TCF23: variants seen among roughly 807,000 people sequenced by gnomAD.
TCF23 encodes the protein class A basic helix-loop-helix protein 24.
Under a neutral mutation model 13.0 loss-of-function variants are expected in TCF23, and 7 were observed. That is an observed-to-expected ratio of 0.54 (90% CI 0.31 to 1.01). The LOEUF (loss-of-function observed/expected upper bound fraction) is 1.01, where lower values mean the gene tolerates loss of function less well. Ranked by LOEUF, TCF23 falls within the 50% of genes least tolerant of loss-of-function variation. The pLI, the probability that TCF23 is intolerant of heterozygous loss-of-function variation, is 0.06. For synonymous variants in TCF23, 122 were observed against 119.5 expected (o/e 1.02, Z -0.14); for missense variants, 257 against 289.8 (o/e 0.89, Z 0.82).
In TCF23 at chr2:27,152,794, G is replaced by T. The variant is rs770793196; in HGVS notation, c.572G>T (p.Gly191Val). 6.2e-7 allele frequency: 1 copy of T among 1,614,142 alleles called. No individual in the cohort carries two copies. Among genetic ancestry groups the T allele is most frequent in the Admixed American group, 1.7e-5 (1 of 60,018 alleles). ...CAAAGAACAAGAGATGCAGAGGTGG[G>T]GTCCCAAGTCCCTGGAGAGGCAGAT... Reference protein sequence around the residue: ...PSQRTRDAEVGSQVPGEADAL... With the variant: ...PSQRTRDAEVVSQVPGEADAL... The change falls in exon 3 of 3, where the codon GGG becomes GTG. Residue 191 changes from glycine (G) to valine (V), a missense_variant. Gly to Val is a moderately radical substitution (Grantham distance 109). Coordinates refer to ENST00000296096, the MANE Select transcript of TCF23 (RefSeq NM_175769.3).
At position 27,149,277 on chromosome 2, in the gene TCF23, A is replaced by T; in HGVS notation, c.144A>T (p.Arg48Ser). 1 of 1,596,116 alleles carries T rather than the reference A, an allele frequency of 6.3e-7. No individual in the cohort carries two copies. Among genetic ancestry groups the T allele is most frequent in the Non-Finnish European group, 8.5e-7 (1 of 1,171,548 alleles). ...SRTRQDPWEE[R>S]SWSNQRWSRA... ...CAAGGCAGGACCCGTGGGAAGAAAG[A>T]AGCTGGAGCAACCAGAGATGGAGCA... is the stretch of plus-strand genomic sequence containing the variant. Residue 48 changes from arginine (R) to serine (S), a missense_variant, in exon 1 of 3, where the codon AGA (arginine) becomes AGT (serine). By Grantham distance (110) the Arg-to-Ser change is moderately radical. Coordinates refer to ENST00000296096, the MANE Select transcript of TCF23 (RefSeq NM_175769.3).
chr2:27,150,325 C>A lies in TCF23; in HGVS notation c.425C>A (p.Pro142Gln), dbSNP rs533332704. Residue 142 changes from proline (P) to glutamine (Q), a missense_variant, in exon 2 of 3, where the codon CCG (proline) becomes CAG (glutamine). Coordinates refer to ENST00000296096, the MANE Select transcript of TCF23 (RefSeq NM_175769.3). This position sits in a 1 kb window ranked among gnomAD's most constrained non-coding sequence, Gnocchi z 4.1. The part of the protein sequence containing the change: ...LGHELPGPAW[P>Q]PFLRGLRYLH... ...CACGAGTTGCCTGGCCCTGCCTGGC[C>A]GCCCTTCCTGCGTGGACTCCGCTAC... is the stretch of plus-strand genomic sequence containing the variant. The A allele has an allele frequency of 2.5e-6, 4 of 1,613,684 alleles. No homozygotes were observed. In the East Asian group the frequency reaches 8.9e-5, roughly 36 times the overall value.
In TCF23 at chr2:27,153,102, A is replaced by C; in HGVS notation, c.*235A>C. ...GACTTCCCCATGGCTCTTCTGTGAC[A>C]GCTACTGGGAAGTGGGAGAGAAAGA... On this transcript the variant is annotated 3_prime_UTR_variant, in exon 3 of 3. Transcript: ENST00000296096. 1 of 960,694 alleles carries C rather than the reference A, an allele frequency of 1.0e-6. No homozygotes were observed. Among genetic ancestry groups the C allele is most frequent in the South Asian group, 3.2e-5 (1 of 31,522 alleles). The allele number at this position is 960,694 out of a possible 1,614,324, so 59.5% of individuals were successfully genotyped here.
Position 27,150,448 on chromosome 2 carries a change from T to C in TCF23, c.465+83T>C. The C allele has an allele frequency of 6.4e-7, 1 of 1,564,042 alleles. No individual in the cohort carries two copies. Among genetic ancestry groups the C allele is most frequent in the Non-Finnish European group, 8.7e-7 (1 of 1,149,078 alleles). Reference sequence around the variant, plus strand: ...AAGGGATTGGAATGAGGGGGGACATTGGACTTGGGCCCCCTGCCCTGTGCA... The same window carrying C: ...AAGGGATTGGAATGAGGGGGGACATCGGACTTGGGCCCCCTGCCCTGTGCA... On this transcript the variant is annotated intron_variant, in intron 2 of 2. Transcript: ENST00000296096. The surrounding 1 kb of genome is among the most constrained non-coding windows in gnomAD (Gnocchi z 4.1).
In TCF23 at chr2:27,150,337, G is replaced by A. The variant is rs146000022; in HGVS notation, c.437G>A (p.Arg146His). The A allele has an allele frequency of 4.0e-4, 643 of 1,613,522 alleles. No homozygotes were observed. In the African/African-American group the frequency reaches 7.0e-3, roughly 18 times the overall value. ...GGCCCTGCCTGGCCGCCCTTCCTGC[G>A]TGGACTCCGCTACTTGCACCCTCTC... ...LPGPAWPPFL[R>H]GLRYLHPLKK... The change falls in exon 2 of 3, where the codon CGT (arginine) becomes CAT (histidine). Residue 146 changes from arginine to histidine, a missense_variant. Arg to His is a conservative substitution (Grantham distance 29). Transcript: ENST00000296096. This position sits in a 1 kb window ranked among gnomAD's most constrained non-coding sequence, Gnocchi z 4.1.
chr2:27,150,338 T>C lies in TCF23; in HGVS notation c.438T>C (p.Arg146=), dbSNP rs752807433. The part of the protein sequence containing the change: ...LPGPAWPPFL[R]GLRYLHPLKK... ...GCCCTGCCTGGCCGCCCTTCCTGCG[T>C]GGACTCCGCTACTTGCACCCTCTCA... Residue 146 remains arginine, a synonymous_variant, in exon 2 of 3, where the codon CGT becomes CGC. Transcript: ENST00000296096. The surrounding 1 kb of genome is among the most constrained non-coding windows in gnomAD (Gnocchi z 4.1). 1.2e-6 allele frequency: 2 copies of C among 1,613,524 alleles called. No homozygotes were observed. Among genetic ancestry groups the C allele is most frequent in the Non-Finnish European group, 1.7e-6 (2 of 1,179,954 alleles).
rs1316607081 is a variant in TCF23 at position 27,150,489 on chromosome 2, C to A, written c.465+124C>A. ...GCCCTGTGCAGAACTGACGTCGGAG[C>A]CAATTTCTCCTGCTGTCTCAGAGGG... On this transcript the variant is annotated intron_variant, in intron 2 of 2. Transcript: ENST00000296096. The surrounding 1 kb of genome is among the most constrained non-coding windows in gnomAD (Gnocchi z 4.1). The A allele has an allele frequency of 2.0e-6, 3 of 1,476,326 alleles. No homozygotes were observed. Among genetic ancestry groups the A allele is most frequent in the South Asian group, 1.3e-5 (1 of 75,560 alleles). 91.5% of individuals were successfully genotyped at this position (1,476,326 alleles called of 1,614,324 possible).
chr2:27,156,375 A>G lies in TCF23; in HGVS notation c.*3508A>G, dbSNP rs2148431725. 1 of 149,312 alleles carries G rather than the reference A, an allele frequency of 6.7e-6. No individual in the cohort carries two copies. Among genetic ancestry groups the G allele is most frequent in the Non-Finnish European group, 1.5e-5 (1 of 67,438 alleles). 9.2% of individuals were successfully genotyped at this position (149,312 alleles called of 1,614,324 possible). A position where few individuals can be genotyped will look rare whatever the true frequency, so the allele number is the denominator to read the frequency against. On this transcript the variant is annotated 3_prime_UTR_variant, in exon 3 of 3. Coordinates refer to ENST00000296096, the MANE Select transcript of TCF23 (RefSeq NM_175769.3). ...TGGGAGAAGCAGAGCTGGCCCAGTG[A>G]TTTCTTTTTTTTTGTTTTTTGAGAC...
chr2:27,149,127 G>A lies in TCF23; in HGVS notation c.-7G>A. ...TGCTCTGTGGGCTGCAGCCCCAGTG[G>A]GGTGGCATGTCACAGAGGAAGGCCA... On this transcript the variant is annotated 5_prime_UTR_variant, in exon 1 of 3. Transcript: ENST00000296096. 1 of 1,549,364 alleles carries A rather than the reference G, an allele frequency of 6.5e-7. No individual in the cohort carries two copies. Among genetic ancestry groups the A allele is most frequent in the Non-Finnish European group, 8.7e-7 (1 of 1,146,784 alleles).
In TCF23 at chr2:27,153,472, A is replaced by G. The variant is rs1672791758; in HGVS notation, c.*605A>G. On this transcript the variant is annotated 3_prime_UTR_variant, in exon 3 of 3. Coordinates refer to ENST00000296096, the MANE Select transcript of TCF23 (RefSeq NM_175769.3). Reference sequence around the variant, plus strand: ...TTTCCAGAAGCTGCCCCTCACCACTACATTTTCTCTCCCTCTCGGCTCCTG... The same window carrying G: ...TTTCCAGAAGCTGCCCCTCACCACTGCATTTTCTCTCCCTCTCGGCTCCTG... 6.7e-6 allele frequency: 1 copy of G among 149,968 alleles called. No homozygotes were observed. Among genetic ancestry groups the G allele is most frequent in the African/African-American group, 2.5e-5 (1 of 40,772 alleles). The allele number at this position is 149,968 out of a possible 1,614,324, so 9.3% of individuals were successfully genotyped here. A position where few individuals can be genotyped will look rare whatever the true frequency, so the allele number is the denominator to read the frequency against.
Position 27,156,059 on chromosome 2 carries a change from G to C in TCF23, c.*3192G>C. The C allele has an allele frequency of 6.6e-6, 1 of 152,014 alleles. No individual in the cohort carries two copies. The highest frequency in any genetic ancestry group is 1.5e-5 in the Non-Finnish European group (1 of 68,046). 9.4% of individuals were successfully genotyped at this position (152,014 alleles called of 1,614,324 possible). The stretch of plus-strand genomic sequence containing the variant: ...GGCTGTGGGGCTGGGTGTGGTGGCT[G>C]ATGCCTGTAATCCCAGCACTTTGGG... On this transcript the variant is annotated 3_prime_UTR_variant, in exon 3 of 3. Transcript: ENST00000296096.
At chr2:27,152,337 C>T (rs577923918) in intron 2 of TCF23, among the ~76,000 whole-genome samples, 1 of 152,366 alleles carries the variant, frequency 6.6e-6, no homozygotes, top group South Asian at 2.1e-4. Flanking sequence ...TTGGAGGACC[C>T]AGCTTGGAGT....
intron 2 of TCF23, among the ~76,000 whole-genome samples, chr2:27,152,038 G>C (rs1480897397): frequency 6.6e-6 from 1 of 152,228 alleles, no homozygotes; most frequent in Admixed American, 6.5e-5. Flanking sequence ...TGAAATGTCA[G>C]TGGTGGTGCA....
rs1333770303 is a variant in TCF23 at position 27,155,341 on chromosome 2, G to A, written c.*2474G>A. ...GGATGGATGGGAATAACCAGAGGAT[G>A]GACTGGGCCCTCCCTCCCTGACAAG... On this transcript the variant is annotated 3_prime_UTR_variant, in exon 3 of 3. Coordinates refer to ENST00000296096, the MANE Select transcript of TCF23 (RefSeq NM_175769.3). 1 of 152,336 alleles carries A rather than the reference G, an allele frequency of 6.6e-6. No individual in the cohort carries two copies. The highest frequency in any genetic ancestry group is 1.9e-4 in the East Asian group (1 of 5,192). 9.4% of individuals were successfully genotyped at this position (152,336 alleles called of 1,614,324 possible).
rs1004667541 is a variant in TCF23, at chr2:27,153,865, A to G, written c.*998A>G. 1 of 152,246 alleles carries G rather than the reference A, an allele frequency of 6.6e-6. No homozygotes were observed. Among genetic ancestry groups the G allele is most frequent in the African/African-American group, 2.4e-5 (1 of 41,464 alleles). The allele number at this position is 152,246 out of a possible 1,614,324, so 9.4% of individuals were successfully genotyped here. A position where few individuals can be genotyped will look rare whatever the true frequency, so the allele number is the denominator to read the frequency against. Reference sequence around the variant, plus strand: ...AAATATGAAGGATATTGACAGAATCAATTACATCCTTGAAGGACCTTAAGA... The same window carrying G: ...AAATATGAAGGATATTGACAGAATCGATTACATCCTTGAAGGACCTTAAGA... On this transcript the variant is annotated 3_prime_UTR_variant, in exon 3 of 3. Transcript: ENST00000296096.
rs565900131 is a variant in TCF23 at position 27,152,061 on chromosome 2, G to T, written c.466-627G>T. Among the ~76,000 whole-genome samples the T allele has an allele frequency of 2.0e-5, 3 of 152,334 alleles. No homozygotes were observed. In the South Asian group the frequency reaches 6.2e-4, roughly 32 times the overall value. The stretch of plus-strand genomic sequence containing the variant: ...CAGTGGTGGTGCAGGGTCCTGGGAT[G>T]ATATAGTAGTTTCCTTCGCTGTAAA... On this transcript the variant is annotated intron_variant, in intron 2 of 2. Coordinates refer to ENST00000296096, the MANE Select transcript of TCF23 (RefSeq NM_175769.3).
rs1451103062 is a variant in TCF23 at position 27,152,732 on chromosome 2, C to T, written c.510C>T (p.Tyr170=). Residue 170 remains tyrosine, a synonymous_variant, in exon 3 of 3, where the codon TAC becomes TAT. Transcript: ENST00000296096. Reference sequence around the variant, plus strand: ...GTCTCTATGCTGGAGGCCTGGGGTACTCCGATCTTGACTCCACCACAGCCA... The same window carrying T: ...GTCTCTATGCTGGAGGCCTGGGGTATTCCGATCTTGACTCCACCACAGCCA... ...RSRLYAGGLG[Y]SDLDSTTAST... The T allele has an allele frequency of 8.1e-6, 13 of 1,614,008 alleles. No homozygotes were observed. The highest frequency in any genetic ancestry group is 1.1e-5 in the Non-Finnish European group (13 of 1,180,026).
rs935749336 is a variant in TCF23, at chr2:27,155,387, A to C, written c.*2520A>C. 6.6e-6 allele frequency: 1 copy of C among 152,306 alleles called. No homozygotes were observed. Among genetic ancestry groups the C allele is most frequent in the Non-Finnish European group, 1.5e-5 (1 of 68,122 alleles). 9.4% of individuals were successfully genotyped at this position (152,306 alleles called of 1,614,324 possible). The stretch of plus-strand genomic sequence containing the variant: ...ACAAGCACAGTAATGCCCTTGAGAC[A>C]TGTCAGGACTTGGATGCGTGAATGA... On this transcript the variant is annotated 3_prime_UTR_variant, in exon 3 of 3. Transcript: ENST00000296096.
chr2:27,150,350 C>T lies in TCF23; in HGVS notation c.450C>T (p.Tyr150=). ...CGCCCTTCCTGCGTGGACTCCGCTA[C>T]TTGCACCCTCTCAAGGTAAGTCACA... The part of the protein sequence containing the change: ...AWPPFLRGLR[Y]LHPLKKWPMR... Residue 150 remains tyrosine, a synonymous_variant, in exon 2 of 3, where the codon TAC becomes TAT. Transcript: ENST00000296096. This position sits in a 1 kb window ranked among gnomAD's most constrained non-coding sequence, Gnocchi z 4.1. 4 of 1,613,266 alleles carry T rather than the reference C, an allele frequency of 2.5e-6. No homozygotes were observed. Among genetic ancestry groups the T allele is most frequent in the Non-Finnish European group, 3.4e-6 (4 of 1,179,774 alleles).
Sources: allele counts gnomAD v4.1 joint callset (sites outside exome capture counted in the v4.1 genomes callset), GRCh38; gene constraint gnomAD v4.1.1; non-coding constraint Gnocchi (gnomAD v3.1); transcripts MANE v1.5; gene names NCBI Gene and HGNC (gene_info 2026-07-23, HGNC 2026-07-21).